Variants in DOCK4 observed in about 807,000 individuals in gnomAD.
DOCK4 encodes the protein dedicator of cytokinesis 4, also known as dedicator of cytokinesis protein 4.
A neutral mutation model predicts 268.1 loss-of-function variants in DOCK4; 97 were observed. The observed-to-expected ratio is 0.36, with a 90% confidence interval of 0.31 to 0.43. The LOEUF (loss-of-function observed/expected upper bound fraction) is 0.43, where lower values mean the gene tolerates loss of function less well. Among genes scored for constraint, DOCK4 ranks in the 20% least tolerant of loss-of-function variants. The probability of loss-of-function intolerance (pLI) is 1.00; values close to 1 mark genes in which losing one functional copy is unlikely to be tolerated. For missense variants in DOCK4, 2,145 were observed against 2,455.7 expected (o/e 0.87, Z 2.67); for synonymous variants, 954 against 887.2 (o/e 1.08, Z -1.34).
At position 111,924,587 on chromosome 7, in the gene DOCK4, C is replaced by T. The variant is rs1215209880; in HGVS notation, c.1067-8683G>A. Among the ~76,000 whole-genome samples, 8 of 152,146 alleles carry T rather than the reference C, an allele frequency of 5.3e-5. No individual in the cohort carries two copies. The East Asian group carries it at 1.6e-3, about 30-fold the overall frequency. ...GGAGTTGGCAGTTACTCTTTATTTG[C>T]TGTCTACACTTAGGAAGATTTCTAG... is the stretch of plus-strand genomic sequence containing the variant. On this transcript the variant is annotated intron_variant, in intron 12 of 52. Coordinates refer to ENST00000428084, the MANE Select transcript of DOCK4 (RefSeq NM_001363540.2).
intron 1 of DOCK4, among the ~76,000 whole-genome samples, chr7:112,045,131 T>C (rs1157282594): frequency 6.6e-6 from 1 of 152,164 alleles, no homozygotes; most frequent in Non-Finnish European, 1.5e-5. Context: ...ATTTTCCCCT[T>C]CCTCATTCTA....
At chr7:112,082,779 T>C (rs1808720375) in intron 1 of DOCK4, among the ~76,000 whole-genome samples, 1 of 152,182 alleles carries the variant, frequency 6.6e-6, no homozygotes, top group Non-Finnish European at 1.5e-5. Flanking sequence ...TGCTGAGACA[T>C]TTTATATCAG....
intron 37 of DOCK4, among the ~76,000 whole-genome samples, chr7:111,769,213 G>A (rs922623208): frequency 9.2e-5 from 14 of 152,144 alleles, no homozygotes; most frequent in Non-Finnish European, 5.9e-5. Context: ...CTCTAAATCG[G>A]TGTTTATCAA....
intron 1 of DOCK4, among the ~76,000 whole-genome samples, chr7:112,124,166 A>G (rs941074763): frequency 5.9e-5 from 9 of 152,088 alleles, no homozygotes; most frequent in Non-Finnish European, 8.8e-5. Flanking sequence ...CTGGGACTAC[A>G]ATACTGCATC....
intron 8 of DOCK4, among the ~76,000 whole-genome samples, chr7:111,958,989 G>A (rs1224587615): frequency 6.6e-6 from 1 of 152,076 alleles, no homozygotes; most frequent in Non-Finnish European, 1.5e-5. Context: ...TGACCAAAGG[G>A]GGAGTAAACC....
At chr7:111,913,786 G>A (rs1792352760) in intron 13 of DOCK4, among the ~76,000 whole-genome samples, 1 of 151,698 alleles carries the variant, frequency 6.6e-6, no homozygotes, top group Admixed American at 6.6e-5. Flanking sequence ...GGAGGCTGAG[G>A]TGGGAGGATC....
At position 111,992,827 on chromosome 7, in the gene DOCK4, A is replaced by G. The variant is rs1337409707; in HGVS notation, c.315+1308T>C. Among the ~76,000 whole-genome samples the G allele has an allele frequency of 2.0e-5, 3 of 152,210 alleles. No homozygotes were observed. The East Asian group carries it at 5.8e-4, about 29-fold the overall frequency. On this transcript the variant is annotated intron_variant, in intron 5 of 52. Coordinates refer to ENST00000428084, the MANE Select transcript of DOCK4 (RefSeq NM_001363540.2). ...GGAATGCAGTGGTTTGAGCATTTCA[A>G]ATAGTTTCTTTTTCCATGTTAGTGC...
chr7:112,191,102 C>T (rs1819914382), intron 1 of DOCK4, among the ~76,000 whole-genome samples: 1 of 152,178 alleles, frequency 6.6e-6, no homozygotes, highest in South Asian at 2.1e-4. Flanking sequence ...TTGTTTGAGG[C>T]AGGGCCTCAT....
rs190179380 is a variant in DOCK4, at chr7:112,162,138, T to A, written c.37+43964A>T. 2.4e-3 allele frequency among the ~76,000 whole-genome samples: 361 copies of A among 152,326 alleles called. 2 individuals are homozygous for A. The highest frequency in any genetic ancestry group is 3.2e-3 in the Non-Finnish European group (217 of 68,028). Reference sequence around the variant, plus strand: ...GCGTATTCCCAAAGAAAGTAAGTAATTCCAAATAGCGTGAAGCCTCATTTA... The same window carrying A: ...GCGTATTCCCAAAGAAAGTAAGTAAATCCAAATAGCGTGAAGCCTCATTTA... On this transcript the variant is annotated intron_variant, in intron 1 of 52. Coordinates refer to ENST00000428084, the MANE Select transcript of DOCK4 (RefSeq NM_001363540.2).
At chr7:111,913,963 C>T (rs2134514959) in intron 13 of DOCK4, among the ~76,000 whole-genome samples, 1 of 152,256 alleles carries the variant, frequency 6.6e-6, no homozygotes, top group East Asian at 1.9e-4. Context: ...CACAGTCTTT[C>T]ACTATTAAAG....
intron 1 of DOCK4, among the ~76,000 whole-genome samples, chr7:112,173,066 A>C (rs79233933): frequency 0.034 from 5,185 of 152,264 alleles, 299 homozygotes; most frequent in African/African-American, 0.12. Context: ...CTGGTACCAA[A>C]GACATCTGGC....
intron 23 of DOCK4, among the ~76,000 whole-genome samples, chr7:111,851,022 G>C (rs547404704): frequency 1.3e-5 from 2 of 152,284 alleles, no homozygotes; most frequent in East Asian, 3.9e-4. Flanking sequence ...TTCAACAAAT[G>C]ATGCTAGAAC....
At chr7:111,896,141 C>G (rs182373131) in intron 15 of DOCK4, among the ~76,000 whole-genome samples, 120 of 152,286 alleles carry the variant, frequency 7.9e-4, no homozygotes, top group Admixed American at 2.2e-3. Context: ...GTTTTGATTA[C>G]TACCCATCAA....
chr7:111,855,416 G>C (rs1804921280), intron 23 of DOCK4, among the ~76,000 whole-genome samples: 1 of 152,138 alleles, frequency 6.6e-6, no homozygotes, highest in Non-Finnish European at 1.5e-5. Context: ...ATGACTCTGA[G>C]GCTTCTAGGT....
rs1019585564 is a variant in DOCK4, at chr7:111,741,288, A to C, written c.4920-74T>G. The C allele has an allele frequency of 2.5e-6, 4 of 1,570,116 alleles. No individual in the cohort carries two copies. In the Admixed American group the frequency reaches 7.5e-5, roughly 29 times the overall value. On this transcript the variant is annotated intron_variant, in intron 46 of 52. Coordinates refer to ENST00000428084, the MANE Select transcript of DOCK4 (RefSeq NM_001363540.2). Reference sequence around the variant, plus strand: ...CTTTATCATGTGCTAGAATGCTATGAAACCAAAGGGGGGAAAATACATTCC... The same window carrying C: ...CTTTATCATGTGCTAGAATGCTATGCAACCAAAGGGGGGAAAATACATTCC...
chr7:111,921,054 A>G (rs1793091878), intron 12 of DOCK4, among the ~76,000 whole-genome samples: 1 of 152,188 alleles, frequency 6.6e-6, no homozygotes, highest in South Asian at 2.1e-4. Flanking sequence ...TATGTAAATA[A>G]TATTTTAAGT....
chr7:111,997,773 C>A (rs778002791), intron 4 of DOCK4, among the ~76,000 whole-genome samples: 2 of 151,576 alleles, frequency 1.3e-5, no homozygotes, highest in Non-Finnish European at 2.9e-5. Context: ...GTGTCTAAAT[C>A]CATGGCCCCT....
At chr7:111,746,256 A>T in intron 44 of DOCK4, 78 bp downstream of exon 44, 1 of 1,160,324 alleles carries the variant, frequency 8.6e-7, no homozygotes, top group Non-Finnish European at 1.3e-6. Flanking sequence ...TGATGCAGGA[A>T]ACCATGCAGA....
chr7:111,728,421 G>A lies in DOCK4; in HGVS notation c.5781C>T (p.His1927=), dbSNP rs370734767. ...CCGACGTGACGGGGATGGAGAGGCT[G>A]TGAGGTAGCGGGACGGGGCGCCGCA... ...RTLRRPVPLP[H]SLSIPVTSEP... Residue 1927 remains histidine (H), a synonymous_variant, in exon 53 of 53, where the codon CAC becomes CAT. Transcript: ENST00000428084. 3.2e-6 allele frequency: 5 copies of A among 1,582,132 alleles called. No homozygotes were observed. In the African/African-American group the frequency reaches 6.7e-5, roughly 21 times the overall value.
Sources: allele counts gnomAD v4.1 joint callset (sites outside exome capture counted in the v4.1 genomes callset), GRCh38; gene constraint gnomAD v4.1.1; transcripts MANE v1.5; gene names NCBI Gene and HGNC (gene_info 2026-07-23, HGNC 2026-07-21).